DLG2: variants seen among roughly 807,000 people sequenced by gnomAD.
DLG2 encodes disks large homolog 2.
Under a neutral mutation model 132.5 loss-of-function variants are expected in DLG2, and 45 were observed. That is an observed-to-expected ratio of 0.34 (90% CI 0.27 to 0.44). The LOEUF (loss-of-function observed/expected upper bound fraction) is 0.44. Ranked by LOEUF, DLG2 falls within the 20% of genes least tolerant of loss-of-function variation. DLG2 has a pLI of 1.00. For synonymous variants in DLG2, 424 were observed against 419.6 expected, an observed-to-expected ratio of 1.01 and a Z score of -0.13; for missense variants, 1,045 against 1,196.9, an observed-to-expected ratio of 0.87 and a Z score of 1.87.
intron 6 of DLG2, among the ~76,000 whole-genome samples, chr11:85,056,816 G>A (rs2154156931): frequency 6.6e-6 from 1 of 152,078 alleles, no homozygotes; most frequent in Non-Finnish European, 1.5e-5. Flanking sequence ...CATTTTTAAT[G>A]TACTGACTGC....
At chr11:85,231,415 T>G (rs771058473) in intron 4 of DLG2, among the ~76,000 whole-genome samples, 1 of 152,000 alleles carries the variant, frequency 6.6e-6, no homozygotes, top group Non-Finnish European at 1.5e-5. Flanking sequence ...TTTTTAAGGT[T>G]TCCCATTTCA....
intron 6 of DLG2, among the ~76,000 whole-genome samples, chr11:85,091,232 T>C (rs2068721444): frequency 6.6e-6 from 1 of 152,228 alleles, no homozygotes; most frequent in Non-Finnish European, 1.5e-5. Context: ...CTGCAGTCTA[T>C]TAAGTGTGCA....
At chr11:84,618,196 G>A (rs1483124514) in intron 6 of DLG2, among the ~76,000 whole-genome samples, 2 of 152,166 alleles carry the variant, frequency 1.3e-5, no homozygotes, top group South Asian at 2.1e-4. Context: ...AAGGAAAGGA[G>A]CTTGGAGAAG....
At chr11:84,904,557 A>G (rs574649330) in intron 6 of DLG2, among the ~76,000 whole-genome samples, 2 of 152,284 alleles carry the variant, frequency 1.3e-5, no homozygotes, top group African/African-American at 2.4e-5. Flanking sequence ...TTTGCTAGAA[A>G]TGGCTTTTCT....
chr11:84,670,789 G>A (rs568134688), intron 6 of DLG2, among the ~76,000 whole-genome samples: 8 of 152,014 alleles, frequency 5.3e-5, no homozygotes, highest in Admixed American at 2.0e-4. Context: ...CCATCATATC[G>A]CTCCCACCCC....
chr11:84,225,487 C>A (rs2096978240), intron 8 of DLG2, among the ~76,000 whole-genome samples: 1 of 152,164 alleles, frequency 6.6e-6, no homozygotes, highest in African/African-American at 2.4e-5. Flanking sequence ...TCCTGAATGA[C>A]CTGCTCGATG....
chr11:84,307,935 T>A lies in DLG2; in HGVS notation c.520-56644A>T, dbSNP rs529916406. On this transcript the variant is annotated intron_variant, in intron 7 of 27. Transcript: ENST00000376104. The stretch of plus-strand genomic sequence containing the variant: ...CGTTCCTCCCGGTGGATTCGTAGTC[T>A]TCCTGGCTTCAGGAGTGAAGTTGCA... Among the ~76,000 whole-genome samples the A allele has an allele frequency of 7.2e-4, 109 of 152,276 alleles. 2 individuals carry two copies. The highest frequency in any genetic ancestry group is 6.9e-3 in the Admixed American group (106 of 15,298).
chr11:84,876,422 G>A (rs1419322981), intron 6 of DLG2, among the ~76,000 whole-genome samples: 1 of 152,178 alleles, frequency 6.6e-6, no homozygotes, highest in Admixed American at 6.5e-5. Context: ...GAGGGTGTAT[G>A]TGTCCAGGAA....
intron 7 of DLG2, among the ~76,000 whole-genome samples, chr11:84,273,760 T>C (rs940481574): frequency 1.3e-5 from 2 of 152,182 alleles, no homozygotes; most frequent in African/African-American, 4.8e-5. Flanking sequence ...TACAACTATA[T>C]ACATGCATAC....
intron 9 of DLG2, among the ~76,000 whole-genome samples, chr11:84,160,046 T>C (rs1172621732): frequency 6.6e-6 from 1 of 152,130 alleles, no homozygotes; most frequent in Non-Finnish European, 1.5e-5. Flanking sequence ...GCTTTCTTAA[T>C]AATCAAGCAG....
At chr11:84,089,005 T>C (rs184012347) in intron 10 of DLG2, among the ~76,000 whole-genome samples, 2 of 152,332 alleles carry the variant, frequency 1.3e-5, no homozygotes, top group South Asian at 2.1e-4. Context: ...ACCATGATCA[T>C]AGTCATTTAG....
chr11:85,463,177 T>C (rs756561493), intron 3 of DLG2, among the ~76,000 whole-genome samples: 4 of 152,232 alleles, frequency 2.6e-5, no homozygotes, highest in Non-Finnish European at 4.4e-5. Context: ...AGATGGGGAA[T>C]CATTTTATTT....
chr11:84,152,344 G>T (rs57853257), intron 9 of DLG2, among the ~76,000 whole-genome samples: 12,547 of 145,830 alleles, frequency 0.086, 652 homozygotes, highest in African/African-American at 0.16. Flanking sequence ...TTGTTTGTTT[G>T]TTTTTTCTGA....
intron 19 of DLG2, among the ~76,000 whole-genome samples, chr11:83,565,075 A>G (rs890993709): frequency 3.3e-5 from 5 of 152,182 alleles, no homozygotes; most frequent in African/African-American, 4.8e-5. Context: ...GTTGCCATTC[A>G]CTAGCATAGT....
chr11:83,668,888 A>G lies in DLG2; in HGVS notation c.1826-35563T>C, dbSNP rs1000435024. The stretch of plus-strand genomic sequence containing the variant: ...ATATATTTTTTTTTTATGATAGACT[A>G]TGAGCTTCTAAAGCCCAGGAACAGT... On this transcript the variant is annotated intron_variant, in intron 18 of 27. Coordinates refer to ENST00000376104, the MANE Select transcript of DLG2 (RefSeq NM_001142699.3). Among the ~76,000 whole-genome samples the G allele has an allele frequency of 6.1e-5, 9 of 147,804 alleles. 1 individual carries two copies. The highest frequency in any genetic ancestry group is 1.5e-4 in the African/African-American group (6 of 39,996).
At chr11:84,048,083 C>G (rs1441569399) in intron 11 of DLG2, among the ~76,000 whole-genome samples, 1 of 151,254 alleles carries the variant, frequency 6.6e-6, no homozygotes, top group African/African-American at 2.4e-5. Flanking sequence ...CGTGCATGCA[C>G]AAGAAATTCT....
intron 7 of DLG2, among the ~76,000 whole-genome samples, chr11:84,470,835 A>T (rs2099106558): frequency 6.6e-6 from 1 of 151,810 alleles, no homozygotes; most frequent in African/African-American, 2.4e-5. Flanking sequence ...TTTGTATTTT[A>T]TTCTGTAAGT....
rs774249504 is a variant in DLG2 at position 84,163,505 on chromosome 11, C to T, written c.580G>A (p.Gly194Arg). 1 of 1,605,176 alleles carries T rather than the reference C, an allele frequency of 6.2e-7. No homozygotes were observed. ...TCAAATTCATATTCAATTTCTGTCC[C>T]ATTGACCTGTAAATAGGGAAAAAAT... is the stretch of plus-strand genomic sequence containing the variant. ...DTLDTIPYVNGTEIEYEFEEI... is the reference protein window; with the variant it reads ...DTLDTIPYVNRTEIEYEFEEI... Residue 194 changes from glycine (G) to arginine (R), a missense_variant, in exon 9 of 28, where the codon GGG becomes AGG. This residue lies in a region of DLG2 where 277 missense variants were observed against 238.2 expected (regional missense o/e 1.16). Transcript: ENST00000376104.
intron 6 of DLG2, among the ~76,000 whole-genome samples, chr11:84,748,584 T>C (rs541948181): frequency 2.0e-5 from 3 of 152,324 alleles, no homozygotes; most frequent in East Asian, 1.9e-4. Context: ...CATTTGCTTA[T>C]TTGCTAATTT....
Sources: gnomAD v4.1 joint callset for allele counts (sites outside exome capture counted in the v4.1 genomes callset) on GRCh38, gnomAD v4.1.1 for gene constraint, gnomAD v4.1.1 regional missense constraint, MANE v1.5 for transcripts, NCBI Gene and HGNC (gene_info 2026-07-23, HGNC 2026-07-21) for gene names.